RINT1: variants seen among roughly 807,000 people sequenced by gnomAD.
RINT1 encodes the protein RAD50-interacting protein 1.
In RINT1, 75 loss-of-function variants were observed where a neutral mutation model predicts 97.7. The ratio of observed to expected loss-of-function variants is 0.77; its 90% CI spans 0.64 to 0.93. RINT1 has a LOEUF of 0.93. Among genes scored for constraint, RINT1 ranks in the 40% least tolerant of loss-of-function variants. RINT1 has a pLI of 0.00. For synonymous variants in RINT1, 303 were observed against 326.3 expected, an observed-to-expected ratio of 0.93 and a Z score of 0.77; for missense variants, 892 against 925.2, an observed-to-expected ratio of 0.96 and a Z score of 0.47.
chr7:105,548,649 C>T lies in RINT1; in HGVS notation c.935C>T (p.Pro312Leu), dbSNP rs2133393765. Residue 312 changes from proline (P) to leucine (L), a missense_variant, in exon 7 of 15, where the codon CCT (proline) becomes CTT (leucine). Pro to Leu is a moderately conservative substitution (Grantham distance 98, BLOSUM62 -3). Coordinates refer to ENST00000257700, the MANE Select transcript of RINT1 (RefSeq NM_021930.6). The part of the protein sequence containing the change: ...VILPIQVMLT[P>L]LQKRFRYHFR... ...CTGCCCATCCAGGTTATGCTGACTC[C>T]TCTTCAGAAGAGGTTCAGGTATCAC... 6.2e-7 allele frequency: 1 copy of T among 1,614,132 alleles called. No homozygotes were observed. The highest frequency in any genetic ancestry group is 1.1e-5 in the South Asian group (1 of 91,084).
chr7:105,535,375 G>A (rs1030149157), intron 2 of RINT1, among the ~76,000 whole-genome samples: 5 of 151,516 alleles, frequency 3.3e-5, no homozygotes, highest in Non-Finnish European at 5.9e-5. Context: ...GACTATAAGC[G>A]TGCACCGCCA....
At position 105,567,319 on chromosome 7, in the gene RINT1, C is replaced by CAGAAAA. The variant is rs751025208; in HGVS notation, c.*11_*16dup. The CAGAAAA allele has an allele frequency of 3.2e-6, 5 of 1,562,796 alleles. No homozygotes were observed. In the South Asian group the frequency reaches 4.7e-5, roughly 15 times the overall value. On this transcript the variant is annotated 3_prime_UTR_variant, in exon 15 of 15. Coordinates refer to ENST00000257700, the MANE Select transcript of RINT1 (RefSeq NM_021930.6). ...CCTAATACTGGAAAATAATGTCTTT[C>CAGAAAA]AGAAAAAGGTTTCTTTGGTTTTTGT...
In RINT1 at chr7:105,553,897, T is replaced by TA. The variant is rs1433027560; in HGVS notation, c.1472-1131_1472-1130insA. Among the ~76,000 whole-genome samples the TA allele has an allele frequency of 1.6e-3, 180 of 113,566 alleles. 7 individuals carry two copies. The highest frequency in any genetic ancestry group is 0.012 in the Admixed American group (135 of 11,684). The allele number at this position is 113,566 out of a possible 152,430, so 74.5% of individuals were successfully genotyped here. On this transcript the variant is annotated intron_variant, in intron 10 of 14. Coordinates refer to ENST00000257700, the MANE Select transcript of RINT1 (RefSeq NM_021930.6). ...CACCATACCCAGCTAATTTTTTTTT[T>TA]TTTTTTTTTTTTTTTTTTTGAGATG...
intron 12 of RINT1, among the ~76,000 whole-genome samples, chr7:105,564,535 G>A (rs1311320990): frequency 6.6e-6 from 1 of 152,044 alleles, no homozygotes; most frequent in Non-Finnish European, 1.5e-5. Context: ...CTTTTGTTGT[G>A]GTTTATCCCA....
At chr7:105,556,524 T>TA (rs146857983) in intron 11 of RINT1, among the ~76,000 whole-genome samples, 25,403 of 151,040 alleles carry the variant, frequency 0.17, 2,232 homozygotes, top group South Asian at 0.24. Flanking sequence ...AGAACTCTTT[T>TA]AAAAAAAAAC....
intron 2 of RINT1, among the ~76,000 whole-genome samples, chr7:105,535,081 T>C (rs1790171389): frequency 6.6e-6 from 1 of 152,284 alleles, no homozygotes; most frequent in South Asian, 2.1e-4. Flanking sequence ...TTATTTGCCA[T>C]GGAAAGAATC....
intron 11 of RINT1, among the ~76,000 whole-genome samples, chr7:105,562,643 A>T (rs1223355394): frequency 3.3e-5 from 5 of 152,186 alleles, no homozygotes; most frequent in African/African-American, 1.2e-4. Context: ...TCACGCCTGT[A>T]ATCCCAGAAC....
rs1381365851 is a variant in RINT1, at chr7:105,542,555, T to C, written c.421T>C (p.Trp141Arg). 6.2e-7 allele frequency: 1 copy of C among 1,614,170 alleles called. No individual in the cohort carries two copies. Among genetic ancestry groups the C allele is most frequent in the Non-Finnish European group, 8.5e-7 (1 of 1,180,032 alleles). Residue 141 changes from tryptophan to arginine, a missense_variant, in exon 4 of 15, where the codon TGG becomes CGG. Coordinates refer to ENST00000257700, the MANE Select transcript of RINT1 (RefSeq NM_021930.6). Reference protein sequence around the residue: ...INSHLLTAQPWMDDLGTMISQ... With the variant: ...INSHLLTAQPRMDDLGTMISQ... ...CAGCCATTTGCTGACTGCGCAACCT[T>C]GGATGGACGATCTTGGAACCATGAT...
In RINT1 at chr7:105,542,977, C is replaced by T. The variant is rs112481948; in HGVS notation, c.515+328C>T. Among the ~76,000 whole-genome samples the T allele has an allele frequency of 6.3e-3, 957 of 151,934 alleles. 11 individuals carry two copies. Among genetic ancestry groups the T allele is most frequent in the African/African-American group, 0.022 (906 of 41,448 alleles). On this transcript the variant is annotated intron_variant, in intron 4 of 14. Transcript: ENST00000257700. ...TCGGCTCACTGCAAGCTACACCTCC[C>T]GGGTTCATGCCATTCTCCTGCCTCA...
At chr7:105,533,266 T>TGACA (rs1790105819) in intron 2 of RINT1, among the ~76,000 whole-genome samples, 1 of 152,158 alleles carries the variant, frequency 6.6e-6, no homozygotes, top group South Asian at 2.1e-4. Context: ...AGGAGGCAAA[T>TGACA]GACAGTTGTT....
chr7:105,563,770 T>C lies in RINT1; in HGVS notation c.1709T>C (p.Phe570Ser). 6.2e-7 allele frequency: 1 copy of C among 1,614,204 alleles called. No homozygotes were observed. Residue 570 changes from phenylalanine (F) to serine (S), a missense_variant, in exon 12 of 15, where the codon TTT becomes TCT. Coordinates refer to ENST00000257700, the MANE Select transcript of RINT1 (RefSeq NM_021930.6). Reference sequence around the variant, plus strand: ...CTTCAACAGGCTGCACTGGAGGTGTTTGCAGAGAATAATACTCTGAGTAAA... The same window carrying C: ...CTTCAACAGGCTGCACTGGAGGTGTCTGCAGAGAATAATACTCTGAGTAAA... The part of the protein sequence containing the change: ...LQLQQAALEV[F>S]AENNTLSKLQ...
At position 105,548,613 on chromosome 7, in the gene RINT1, C is replaced by T. The variant is rs1790786337; in HGVS notation, c.899C>T (p.Pro300Leu). 1.1e-5 allele frequency: 17 copies of T among 1,614,160 alleles called. No individual in the cohort carries two copies. The highest frequency in any genetic ancestry group is 1.4e-5 in the Non-Finnish European group (17 of 1,179,996). Residue 300 changes from proline (P) to leucine (L), a missense_variant, in exon 7 of 15, where the codon CCT (proline) becomes CTT (leucine). Physicochemically the swap from Pro to Leu is moderately conservative, Grantham distance 98. Transcript: ENST00000257700. Reference sequence around the variant, plus strand: ...GAAAAATACTCTCTTCCTGCCTCCCCTTCTGTCATCCTGCCCATCCAGGTT... The same window carrying T: ...GAAAAATACTCTCTTCCTGCCTCCCTTTCTGTCATCCTGCCCATCCAGGTT... ...LPEKYSLPASPSVILPIQVML... is the reference protein window; with the variant it reads ...LPEKYSLPASLSVILPIQVML...
chr7:105,566,028 G>C (rs959134325), intron 14 of RINT1, among the ~76,000 whole-genome samples: 1 of 152,102 alleles, frequency 6.6e-6, no homozygotes, highest in Admixed American at 6.6e-5. Flanking sequence ...CCAACACTTC[G>C]GGAGGCTGAG....
At chr7:105,540,869 G>A (rs1195994861) in intron 3 of RINT1, among the ~76,000 whole-genome samples, 3 of 136,510 alleles carry the variant, frequency 2.2e-5, no homozygotes, top group East Asian at 2.1e-4. Context: ...ATGGAGTCTC[G>A]CTCTGTCACC....
At position 105,547,285 on chromosome 7, in the gene RINT1, A is replaced by G; in HGVS notation, c.791A>G (p.Tyr264Cys). The G allele has an allele frequency of 1.2e-6, 2 of 1,614,188 alleles. No homozygotes were observed. Among genetic ancestry groups the G allele is most frequent in the Middle Eastern group, 1.6e-4 (1 of 6,062 alleles). The change falls in exon 6 of 15, where the codon TAC becomes TGC. Residue 264 changes from tyrosine (Y) to cysteine (C), a missense_variant. Transcript: ENST00000257700. ...LSRPASAPEI[Y>C]SYLETLFCQL... ...CGACCTGCCAGTGCCCCGGAGATAT[A>G]CAGTTACCTGGAGACACTGTTTTGT...
intron 2 of RINT1, among the ~76,000 whole-genome samples, chr7:105,535,320 C>G (rs1463359212): frequency 1.3e-5 from 2 of 148,780 alleles, no homozygotes; most frequent in South Asian, 4.3e-4. Context: ...ACCTCCGCCT[C>G]CCGGGTTCAA....
intron 10 of RINT1, among the ~76,000 whole-genome samples, chr7:105,554,357 G>GTATC (rs1791079959): frequency 6.6e-6 from 1 of 151,598 alleles, no homozygotes; most frequent in South Asian, 2.1e-4. Flanking sequence ...TCTTAAATGT[G>GTATC]TATCTTTTAA....
chr7:105,537,425 C>G (rs761711124), intron 3 of RINT1, among the ~76,000 whole-genome samples: 10 of 151,630 alleles, frequency 6.6e-5, no homozygotes, highest in African/African-American at 2.4e-4. Context: ...CTGCTATACC[C>G]GGCCACATTT....
In RINT1 at chr7:105,565,262, A is replaced by G. The variant is rs771142191; in HGVS notation, c.1887-15A>G. 14 of 1,558,022 alleles carry G rather than the reference A, an allele frequency of 9.0e-6. No individual in the cohort carries two copies. Among genetic ancestry groups the G allele is most frequent in the African/African-American group, 5.5e-5 (4 of 72,232 alleles). On this transcript the variant is annotated splice_polypyrimidine_tract_variant and intron_variant, in intron 12 of 14. Coordinates refer to ENST00000257700, the MANE Select transcript of RINT1 (RefSeq NM_021930.6). ...AACTGATGAAAATTTTTTGGTAAAA[A>G]TGTGTTTTTTCCAGATGGTTGTCCT...
Sources: allele counts gnomAD v4.1 joint callset (sites outside exome capture counted in the v4.1 genomes callset), GRCh38; gene constraint gnomAD v4.1.1; transcripts MANE v1.5; gene names NCBI Gene and HGNC (gene_info 2026-07-23, HGNC 2026-07-21).